The following PDZRN3 variants were observed in gnomAD, a reference collection of about 807,000 sequenced individuals.
PDZRN3 encodes E3 ubiquitin-protein ligase PDZRN3.
Under a neutral mutation model 85.7 loss-of-function variants are expected in PDZRN3, and 38 were observed. The ratio of observed to expected loss-of-function variants is 0.44; its 90% confidence interval spans 0.34 to 0.58. PDZRN3 has a LOEUF of 0.58. Among genes scored for constraint, PDZRN3 ranks in the 20% least tolerant of loss-of-function variants. The pLI, the probability that PDZRN3 is intolerant of heterozygous loss-of-function variation, is 0.01. For synonymous variants in PDZRN3, 759 were observed against 638.0 expected (o/e 1.19, Z -2.86); for missense variants, 1,629 against 1,506.4 (o/e 1.08, Z -1.35).
intron 3 of PDZRN3, among the ~76,000 whole-genome samples, chr3:73,415,092 G>A (rs1702049534): frequency 1.3e-5 from 2 of 152,260 alleles, no homozygotes; most frequent in South Asian, 4.2e-4. Context: ...ATATAGTGGT[G>A]GGCAAGACTA....
chr3:73,523,706 C>G (rs913877366), intron 3 of PDZRN3, among the ~76,000 whole-genome samples: 2 of 152,110 alleles, frequency 1.3e-5, no homozygotes, highest in Non-Finnish European at 2.9e-5. Context: ...GGCACAACTA[C>G]AGGGATGGAA....
chr3:73,571,252 A>G (rs1702041960), intron 3 of PDZRN3, among the ~76,000 whole-genome samples: 1 of 152,092 alleles, frequency 6.6e-6, no homozygotes, highest in South Asian at 2.1e-4. Flanking sequence ...AGGTCTTTGT[A>G]TCCCTTTTTT....
At chr3:73,613,736 G>T (rs1702717785) in intron 1 of PDZRN3, among the ~76,000 whole-genome samples, 1 of 152,064 alleles carries the variant, frequency 6.6e-6, no homozygotes, top group Non-Finnish European at 1.5e-5. Flanking sequence ...CAGAACCTGG[G>T]ATGCAGGGTG....
intron 3 of PDZRN3, among the ~76,000 whole-genome samples, chr3:73,534,219 G>C (rs1411223400): frequency 3.9e-5 from 6 of 152,116 alleles, no homozygotes; most frequent in Non-Finnish European, 8.8e-5. Flanking sequence ...GCTTGTCTCA[G>C]TCTTTTCCTC....
chr3:73,523,753 C>G (rs933598846), intron 3 of PDZRN3, among the ~76,000 whole-genome samples: 2 of 152,158 alleles, frequency 1.3e-5, no homozygotes, highest in Admixed American at 6.5e-5. Context: ...CAGTGTTACA[C>G]AGCAGGAGAG....
chr3:73,580,116 G>T (rs1405612239), intron 3 of PDZRN3, among the ~76,000 whole-genome samples: 1 of 152,122 alleles, frequency 6.6e-6, no homozygotes, highest in Non-Finnish European at 1.5e-5. Context: ...TCCATTTTAG[G>T]ATTGAGTTGA....
chr3:73,620,099 A>G (rs1477877324), intron 1 of PDZRN3, among the ~76,000 whole-genome samples: 2 of 152,174 alleles, frequency 1.3e-5, no homozygotes, highest in East Asian at 3.9e-4. Flanking sequence ...TACCACCACC[A>G]CCAACAACAC....
At chr3:73,493,984 C>T (rs4279033) in intron 3 of PDZRN3, among the ~76,000 whole-genome samples, 152,295 of 152,354 alleles carry the variant, frequency 1, 76,118 homozygotes, top group Middle Eastern at 1. Flanking sequence ...GACCAATCAA[C>T]GTTGGATGAC....
intron 3 of PDZRN3, among the ~76,000 whole-genome samples, chr3:73,490,652 AT>A (rs1367112888): frequency 6.6e-6 from 1 of 152,238 alleles, no homozygotes; most frequent in East Asian, 1.9e-4. Flanking sequence ...TTACTGCTGA[AT>A]CAGCACAAAA....
At chr3:73,387,697 T>C (rs79840207) in intron 8 of PDZRN3, among the ~76,000 whole-genome samples, 21 of 152,288 alleles carry the variant, frequency 1.4e-4, no homozygotes, top group Admixed American at 8.5e-4. Context: ...CGGTTGTGTT[T>C]TCCATTCAAT....
At chr3:73,503,449 A>G (rs1355379898) in intron 3 of PDZRN3, among the ~76,000 whole-genome samples, 3 of 152,226 alleles carry the variant, frequency 2.0e-5, no homozygotes, top group Non-Finnish European at 4.4e-5. Flanking sequence ...CATTCTTTAA[A>G]TACCAGGCTT....
rs1014915507 is a variant in PDZRN3, at chr3:73,456,221, C to T, written c.919-51826G>A. ...GTGTGTGTGTGTGTGTGTGTGCGCG[C>T]GTGCGCTTCTCCTTGTTATCATGGT... On this transcript the variant is annotated intron_variant, in intron 3 of 9. Coordinates refer to ENST00000263666, the MANE Select transcript of PDZRN3 (RefSeq NM_015009.3). Among the ~76,000 whole-genome samples, 8 of 151,528 alleles carry T rather than the reference C, an allele frequency of 5.3e-5. No homozygotes were observed. The East Asian group carries it at 1.2e-3, about 22-fold the overall frequency.
intron 3 of PDZRN3, among the ~76,000 whole-genome samples, chr3:73,411,695 C>G (rs894873359): frequency 2.0e-5 from 3 of 151,684 alleles, no homozygotes; most frequent in East Asian, 3.9e-4. Flanking sequence ...TCAGCTCCCT[C>G]TATAGCAAAA....
intron 3 of PDZRN3, among the ~76,000 whole-genome samples, chr3:73,542,850 T>C (rs2106785715): frequency 6.6e-6 from 1 of 152,326 alleles, no homozygotes; most frequent in African/African-American, 2.4e-5. Flanking sequence ...CACACATATA[T>C]ACATTAACTT....
chr3:73,447,342 C>T (rs1321820813), intron 3 of PDZRN3, among the ~76,000 whole-genome samples: 1 of 152,064 alleles, frequency 6.6e-6, no homozygotes, highest in Non-Finnish European at 1.5e-5. Flanking sequence ...GTCCTAGCTT[C>T]CTGTTGCCTG....
At chr3:73,444,331 G>A (rs575117856) in intron 3 of PDZRN3, among the ~76,000 whole-genome samples, 36 of 152,128 alleles carry the variant, frequency 2.4e-4, no homozygotes, top group Non-Finnish European at 4.3e-4. Flanking sequence ...TCTGCACTGT[G>A]CCAGTTTCTT....
intron 3 of PDZRN3, among the ~76,000 whole-genome samples, chr3:73,453,238 T>C (rs532635605): frequency 6.6e-6 from 1 of 151,696 alleles, no homozygotes; most frequent in African/African-American, 2.4e-5. Context: ...AAACCCTGTC[T>C]CTACTAAAAA....
intron 1 of PDZRN3, among the ~76,000 whole-genome samples, chr3:73,611,702 C>T (rs6762147): frequency 0.065 from 9,947 of 152,240 alleles, 1,076 homozygotes; most frequent in African/African-American, 0.22. Flanking sequence ...TCTTTGACAA[C>T]GTGATTCTGG....
intron 3 of PDZRN3, among the ~76,000 whole-genome samples, chr3:73,550,132 A>G (rs1220984804): frequency 1.3e-5 from 2 of 152,220 alleles, no homozygotes; most frequent in African/African-American, 4.8e-5. Context: ...AAAATCTTAC[A>G]AAGCTACTGG....
Sources: allele counts gnomAD v4.1 joint callset (sites outside exome capture counted in the v4.1 genomes callset), GRCh38; gene constraint gnomAD v4.1.1; transcripts MANE v1.5; gene names NCBI Gene and HGNC (gene_info 2026-07-23, HGNC 2026-07-21).